The following ADD2 variants were observed in gnomAD, a reference collection of about 807,000 sequenced individuals.
The protein encoded by ADD2 is adducin 2.
Under a neutral mutation model 83.0 loss-of-function variants are expected in ADD2, and 23 were observed. That is an observed-to-expected ratio of 0.28 (90% confidence interval 0.20 to 0.39). The LOEUF is 0.39. ADD2 is among the 10% of genes least tolerant of loss of function. ADD2 has a pLI of 1.00. For missense variants in ADD2, 758 were observed against 944.9 expected, an observed-to-expected ratio of 0.80 and a Z score of 2.59; for synonymous variants, 375 against 375.4, an observed-to-expected ratio of 1.00 and a Z score of 0.01.
intron 1 of ADD2, among the ~76,000 whole-genome samples, chr2:70,738,858 C>A (rs1673723039): frequency 6.6e-6 from 1 of 151,818 alleles, no homozygotes; most frequent in Admixed American, 6.6e-5. Flanking sequence ...AAACTGGACC[C>A]CTTCCTTACA....
At chr2:70,697,656 G>C (rs1412707816) in intron 4 of ADD2, among the ~76,000 whole-genome samples, 1 of 152,228 alleles carries the variant, frequency 6.6e-6, no homozygotes. Context: ...TACCACCTCT[G>C]TGAAACTTGC....
In ADD2 at chr2:70,706,793, CA is replaced by C. The variant is rs1277717708; in HGVS notation, c.-34-352del. On this transcript the variant is annotated intron_variant, in intron 2 of 15. Transcript: ENST00000264436. The surrounding 1 kb of genome is among the most constrained non-coding windows in gnomAD (Gnocchi z 5.0). Reference sequence around the variant, plus strand: ...AGCATTTCTGTGATGCACACCTATGCAGTGGTAAGCTACTTACTGGAAATCA... The same window carrying C: ...AGCATTTCTGTGATGCACACCTATGCGTGGTAAGCTACTTACTGGAAATCA... Among the ~76,000 whole-genome samples the C allele has an allele frequency of 3.9e-5, 6 of 152,316 alleles. No homozygotes were observed. In the East Asian group the frequency reaches 9.6e-4, roughly 24 times the overall value.
At chr2:70,708,124 G>A (rs1553374847) in intron 2 of ADD2, among the ~76,000 whole-genome samples, 1 of 152,234 alleles carries the variant, frequency 6.6e-6, no homozygotes, top group Non-Finnish European at 1.5e-5. Context: ...TGGGTGGGGT[G>A]AGGGGAGAAT....
At position 70,716,201 on chromosome 2, in the gene ADD2, G is replaced by A. The variant is rs537540904; in HGVS notation, c.-153-3017C>T. Among the ~76,000 whole-genome samples, 29 of 152,132 alleles carry A rather than the reference G, an allele frequency of 1.9e-4. No individual in the cohort carries two copies. The South Asian group carries it at 5.8e-3, about 30-fold the overall frequency. ...AACAATCCAAGCCCATCGATGCCCA[G>A]CTGGGAGCTGTGCGTTTTTCTCTCT... On this transcript the variant is annotated intron_variant, in intron 1 of 15. Transcript: ENST00000264436.
intron 5 of ADD2, 107 bp downstream of exon 5, chr2:70,696,138 A>T: frequency 6.9e-7 from 1 of 1,443,716 alleles, no homozygotes; most frequent in South Asian, 1.3e-5. Context: ...CATTTTAGCC[A>T]AAGGTCACCA....
At chr2:70,721,523 T>A (rs1553377370) in intron 1 of ADD2, among the ~76,000 whole-genome samples, 1 of 152,222 alleles carries the variant, frequency 6.6e-6, no homozygotes. Context: ...GAAGTGTATT[T>A]TCTCAAGATA....
chr2:70,762,707 CTT>C (rs1174014005), intron 1 of ADD2, among the ~76,000 whole-genome samples: 27 of 138,318 alleles, frequency 2.0e-4, no homozygotes, highest in Middle Eastern at 3.4e-3. Flanking sequence ...ATTTCATTTT[CTT>C]TTTTTTTTTT....
intron 1 of ADD2, among the ~76,000 whole-genome samples, chr2:70,730,915 T>C (rs1317548806): frequency 6.6e-6 from 1 of 152,226 alleles, no homozygotes; most frequent in African/African-American, 2.4e-5. Flanking sequence ...GCTAGGTTTG[T>C]GTAAGTACAC....
At chr2:70,681,421 G>GTGAGTCAC (rs1317721540) in intron 10 of ADD2, among the ~76,000 whole-genome samples, 1 of 152,160 alleles carries the variant, frequency 6.6e-6, no homozygotes, top group Admixed American at 6.5e-5. Context: ...GCTGAGACAG[G>GTGAGTCAC]TGAGTCACTT....
At chr2:70,704,551 G>A (rs1030401607) in intron 3 of ADD2, 92 bp from the exon 4 acceptor site, 37 of 1,503,480 alleles carry the variant, frequency 2.5e-5, no homozygotes, top group Non-Finnish European at 3.3e-5. Context: ...CTTGCCCCTG[G>A]GTCAGCTAGG....
chr2:70,748,301 A>G (rs1362750889), intron 1 of ADD2, among the ~76,000 whole-genome samples: 1 of 152,152 alleles, frequency 6.6e-6, no homozygotes, highest in Non-Finnish European at 1.5e-5. Flanking sequence ...AAAAAAAAAA[A>G]AAAAGGAATC....
Position 70,676,537 on chromosome 2 carries a change from C to T in ADD2, c.1593+259G>A. The T allele has an allele frequency of 1.4e-6, 2 of 1,387,364 alleles. No homozygotes were observed. Among genetic ancestry groups the T allele is most frequent in the Non-Finnish European group, 1.9e-6 (2 of 1,065,502 alleles). 85.9% of individuals were successfully genotyped at this position (1,387,364 alleles called of 1,614,324 possible). A position where few individuals can be genotyped will look rare whatever the true frequency, so the allele number is the denominator to read the frequency against. On this transcript the variant is annotated intron_variant, in intron 13 of 15. Transcript: ENST00000264436. The surrounding 1 kb of genome is among the most constrained non-coding windows in gnomAD (Gnocchi z 4.8). ...AGTTCCATGGCAGGAGGTACGGAAG[C>T]CGGCCGCATCACTCCTGCAGGCAGG...
intron 4 of ADD2, among the ~76,000 whole-genome samples, chr2:70,703,362 A>G: frequency 6.6e-6 from 1 of 152,202 alleles, no homozygotes; most frequent in Non-Finnish European, 1.5e-5. Context: ...CACCTACTGA[A>G]TCAGGAGGAT....
At chr2:70,730,768 C>T (rs1478390641) in intron 1 of ADD2, among the ~76,000 whole-genome samples, 5 of 152,140 alleles carry the variant, frequency 3.3e-5, no homozygotes, top group East Asian at 1.9e-4. Flanking sequence ...ATATTTTTAC[C>T]GTACTTTTTC....
At position 70,662,831 on chromosome 2, in the gene ADD2, T is replaced by C. The variant is rs1675589816; in HGVS notation, c.*594A>G. 1 of 152,786 alleles carries C rather than the reference T, an allele frequency of 6.5e-6. No homozygotes were observed. Among genetic ancestry groups the C allele is most frequent in the African/African-American group, 2.4e-5 (1 of 41,448 alleles). 9.5% of individuals were successfully genotyped at this position (152,786 alleles called of 1,614,324 possible). On this transcript the variant is annotated 3_prime_UTR_variant, in exon 16 of 16. Transcript: ENST00000264436. ...TTCCATGAAGAAAGCTCAGGGTTAA[T>C]GTTTGGGGTAGTACAAGCTAAGCCA...
chr2:70,768,116 C>T lies in ADD2; in HGVS notation c.-384G>A. The T allele has an allele frequency of 1.3e-6, 1 of 749,784 alleles. No homozygotes were observed. The highest frequency in any genetic ancestry group is 1.8e-5 in the African/African-American group (1 of 56,424). 46.4% of individuals were successfully genotyped at this position (749,784 alleles called of 1,614,324 possible). On this transcript the variant is annotated 5_prime_UTR_variant, in exon 1 of 16. Transcript: ENST00000264436. ...GGCCACCGACGCCGCAGTTCCTTGACAAAAGGCTCGGGTTCCCGCTAGTCC... is the reference window on the plus strand; with the variant it reads ...GGCCACCGACGCCGCAGTTCCTTGATAAAAGGCTCGGGTTCCCGCTAGTCC...
At chr2:70,667,977 T>G (rs530945274) in intron 15 of ADD2, among the ~76,000 whole-genome samples, 67 of 152,276 alleles carry the variant, frequency 4.4e-4, no homozygotes, top group Middle Eastern at 3.4e-3. Context: ...CCAACATGGT[T>G]GGACACCATC....
chr2:70,750,411 C>T (rs189677433), intron 1 of ADD2, among the ~76,000 whole-genome samples: 4 of 152,310 alleles, frequency 2.6e-5, no homozygotes, highest in Non-Finnish European at 5.9e-5. Flanking sequence ...TCTGCAGATG[C>T]AATCAAGTGA....
rs377618788 is a variant in ADD2, at chr2:70,675,711, T to C, written c.1594-886A>G. On this transcript the variant is annotated intron_variant, in intron 13 of 15. Transcript: ENST00000264436. ...CCCTGCCCTGGCCCGCCAGGTCTTC[T>C]GCCCCTGGGCCCCTTCCAAAAGGGA... 287 of 985,472 alleles carry C rather than the reference T, an allele frequency of 2.9e-4. No individual in the cohort carries two copies. The African/African-American group carries it at 4.7e-3, about 16-fold the overall frequency. 61.0% of individuals were successfully genotyped at this position (985,472 alleles called of 1,614,324 possible).
Sources: allele counts gnomAD v4.1 joint callset (sites outside exome capture counted in the v4.1 genomes callset), GRCh38; gene constraint gnomAD v4.1.1; non-coding constraint Gnocchi (gnomAD v3.1); transcripts MANE v1.5; gene names NCBI Gene and HGNC (gene_info 2026-07-23, HGNC 2026-07-21).